Variants in AMZ1 observed in about 807,000 individuals in gnomAD.
AMZ1 encodes archaelysin family metallopeptidase 1.
A neutral mutation model predicts 29.9 loss-of-function variants in AMZ1; 39 were observed. That is an observed-to-expected ratio of 1.30 (90% CI 1.01 to 1.70). AMZ1 has a LOEUF of 1.70. Among genes scored for constraint, AMZ1 ranks in the 40% most tolerant of loss-of-function variants. AMZ1 has a pLI of 0.00. For missense variants in AMZ1, 1,041 were observed against 680.6 expected (o/e 1.53, Z -5.89); for synonymous variants, 458 against 304.0 (o/e 1.51, Z -5.27).
In AMZ1 at chr7:2,714,737, A is replaced by G. The variant is rs4719645; in HGVS notation, c.*1859A>G. On this transcript the variant is annotated 3_prime_UTR_variant, in exon 7 of 7. Coordinates refer to ENST00000683327, the MANE Select transcript of AMZ1 (RefSeq NM_001384743.1). Reference sequence around the variant, plus strand: ...GGAGTGTTCGTTCACACGGCTGCCAAGTGGAATTTGGCTGGGAATCTCAGG... The same window carrying G: ...GGAGTGTTCGTTCACACGGCTGCCAGGTGGAATTTGGCTGGGAATCTCAGG... The G allele has an allele frequency of 0.14, 20,746 of 152,188 alleles. 1,449 individuals carry two copies. The highest frequency in any genetic ancestry group is 0.16 in the South Asian group (777 of 4,812). 9.4% of individuals were successfully genotyped at this position (152,188 alleles called of 1,614,324 possible).
At chr7:2,752,161 G>A (rs947201605) in intron 4 of AMZ1, among the ~76,000 whole-genome samples, 2 of 151,718 alleles carry the variant, frequency 1.3e-5, no homozygotes, top group African/African-American at 4.8e-5. Context: ...CACTATTTTA[G>A]CAAAATAAGG....
rs1787474469 is a variant in AMZ1, at chr7:2,692,715, G to A, written c.-219+4419G>A. 2.0e-5 allele frequency among the ~76,000 whole-genome samples: 3 copies of A among 152,106 alleles called. No homozygotes were observed. In the South Asian group the frequency reaches 6.2e-4, roughly 32 times the overall value. On this transcript the variant is annotated intron_variant, in intron 1 of 6. Transcript: ENST00000683327. Reference sequence around the variant, plus strand: ...GTGCTGCCTCCACACGCTGACACCTGGCATGGCTAGGGCAGGAGTACCCCA... The same window carrying A: ...GTGCTGCCTCCACACGCTGACACCTAGCATGGCTAGGGCAGGAGTACCCCA...
upstream of AMZ1, chr7:2,762,740 C>T (rs561225294): frequency 6.4e-6 from 10 of 1,554,848 alleles, no homozygotes; most frequent in East Asian, 4.9e-5. Flanking sequence ...TCCTCCCTCC[C>T]GCAGGAAGTG....
chr7:2,727,326 C>A (rs867548072), intron 4 of AMZ1, among the ~76,000 whole-genome samples: 1 of 152,138 alleles, frequency 6.6e-6, no homozygotes, highest in Non-Finnish European at 1.5e-5. Context: ...GTGATCCGCT[C>A]GCCTCGGACT....
chr7:2,700,369 T>C lies in AMZ1; in HGVS notation c.-83T>C, dbSNP rs573730908. The C allele has an allele frequency of 6.4e-5, 96 of 1,489,534 alleles. No individual in the cohort carries two copies. Among genetic ancestry groups the C allele is most frequent in the Non-Finnish European group, 8.1e-6 (9 of 1,111,868 alleles). 92.3% of individuals were successfully genotyped at this position (1,489,534 alleles called of 1,614,324 possible). A position where few individuals can be genotyped will look rare whatever the true frequency, so the allele number is the denominator to read the frequency against. ...CTCGGATCAGCCCGAGGGAAGATTC[T>C]GGACGAGACCGTGGCCGTCCCCCGG... On this transcript the variant is annotated 5_prime_UTR_variant, in exon 2 of 7. Transcript: ENST00000683327.
intron 1 of AMZ1, among the ~76,000 whole-genome samples, chr7:2,696,469 G>C (rs977665667): frequency 3.3e-5 from 5 of 150,268 alleles, no homozygotes; most frequent in Non-Finnish European, 5.9e-5. Context: ...ATGTTAGCCA[G>C]GATGGTCTCG....
intron 1 of AMZ1, among the ~76,000 whole-genome samples, chr7:2,682,499 C>T (rs542096750): frequency 6.6e-6 from 1 of 152,286 alleles, no homozygotes; most frequent in East Asian, 1.9e-4. Flanking sequence ...GGGCACGGAG[C>T]CCATGGCAGG....
chr7:2,764,473 C>G (rs1458359120), upstream of AMZ1: 1 of 152,154 alleles, frequency 6.6e-6, no homozygotes, highest in Admixed American at 6.6e-5. Flanking sequence ...GTTCAATTAC[C>G]TGAATCCTCT....
chr7:2,700,267 A>C lies in AMZ1; in HGVS notation c.-185A>C. On this transcript the variant is annotated 5_prime_UTR_variant, in exon 2 of 7. Transcript: ENST00000683327. ...GGGCCCAGAAGCGCCCATGCCTGAG[A>C]GCGTCCAGGACCAGGCAGAGCTGGG... is the stretch of plus-strand genomic sequence containing the variant. 1 of 669,718 alleles carries C rather than the reference A, an allele frequency of 1.5e-6. No individual in the cohort carries two copies. The highest frequency in any genetic ancestry group is 2.5e-6 in the Non-Finnish European group (1 of 402,748). The allele number at this position is 669,718 out of a possible 1,614,324, so 41.5% of individuals were successfully genotyped here.
chr7:2,740,323 T>C (rs959460704), intron 4 of AMZ1, among the ~76,000 whole-genome samples: 7 of 152,286 alleles, frequency 4.6e-5, no homozygotes, highest in Non-Finnish European at 4.4e-5. Flanking sequence ...GGGAGGTGAC[T>C]GAAGGTAGGG....
chr7:2,748,455 A>C (rs1196579181), intron 4 of AMZ1, among the ~76,000 whole-genome samples: 1 of 152,158 alleles, frequency 6.6e-6, no homozygotes, highest in Non-Finnish European at 1.5e-5. Context: ...CTGGCTAGCC[A>C]TATGTAGAAA....
chr7:2,690,631 C>T (rs926412318), intron 1 of AMZ1, among the ~76,000 whole-genome samples: 38 of 152,120 alleles, frequency 2.5e-4, no homozygotes, highest in Non-Finnish European at 4.7e-4. Flanking sequence ...GAGTTACCCA[C>T]GTGCCCGCCA....
chr7:2,710,800 G>T (rs758787986), intron 6 of AMZ1, among the ~76,000 whole-genome samples: 2 of 152,210 alleles, frequency 1.3e-5, no homozygotes, highest in Non-Finnish European at 2.9e-5. Context: ...CATGGCTGAG[G>T]GTAGGAGCAT....
rs1425635230 is a variant in AMZ1, at chr7:2,714,186, C to T, written c.*1308C>T. ...CTTCGGAGTGACGAGGGCGGGGTCACAGCTCGCGCACCCTCATCTGGAGAG... is the reference window on the plus strand; with the variant it reads ...CTTCGGAGTGACGAGGGCGGGGTCATAGCTCGCGCACCCTCATCTGGAGAG... On this transcript the variant is annotated 3_prime_UTR_variant, in exon 7 of 7. Coordinates refer to ENST00000683327, the MANE Select transcript of AMZ1 (RefSeq NM_001384743.1). 6.6e-5 allele frequency: 10 copies of T among 152,324 alleles called. No individual in the cohort carries two copies. The highest frequency in any genetic ancestry group is 1.0e-4 in the Non-Finnish European group (7 of 68,060). The allele number at this position is 152,324 out of a possible 1,614,324, so 9.4% of individuals were successfully genotyped here.
At chr7:2,703,010 A>G (rs772016053) in intron 3 of AMZ1, 121 bp downstream of exon 3, 17 of 1,334,730 alleles carry the variant, frequency 1.3e-5, no homozygotes, top group Non-Finnish European at 1.6e-5. Context: ...GGAAACATCC[A>G]TTTCCCAGGT....
At chr7:2,696,408 C>G (rs886101677) in intron 1 of AMZ1, among the ~76,000 whole-genome samples, 1 of 151,288 alleles carries the variant, frequency 6.6e-6, no homozygotes, top group Admixed American at 6.6e-5. Flanking sequence ...AGGCGCCCGC[C>G]ACCACGCCTG....
chr7:2,752,031 G>A (rs924359606), intron 4 of AMZ1, among the ~76,000 whole-genome samples: 3 of 151,972 alleles, frequency 2.0e-5, no homozygotes, highest in East Asian at 1.9e-4. Flanking sequence ...TACCCACACC[G>A]ACAAGATTAT....
At chr7:2,759,776 T>C (rs1396199628), upstream of AMZ1, among the ~76,000 whole-genome samples, 1 of 152,186 alleles carries the variant, frequency 6.6e-6, no homozygotes, top group African/African-American at 2.4e-5. Context: ...CTGAAGGCCA[T>C]GAAAAAAACT....
chr7:2,746,112 G>A (rs1054427622), intron 4 of AMZ1, among the ~76,000 whole-genome samples: 5 of 152,096 alleles, frequency 3.3e-5, no homozygotes, highest in East Asian at 1.9e-4. Context: ...ACAGATCAAC[G>A]AGACAGAAAG....
Sources: allele counts gnomAD v4.1 joint callset (sites outside exome capture counted in the v4.1 genomes callset), GRCh38; gene constraint gnomAD v4.1.1; transcripts MANE v1.5; gene names NCBI Gene and HGNC (gene_info 2026-07-23, HGNC 2026-07-21).